MXRA8: variants seen among roughly 807,000 people sequenced by gnomAD.
MXRA8 encodes matrix remodeling associated 8.
Under a neutral mutation model 51.4 loss-of-function variants are expected in MXRA8, and 44 were observed. The observed-to-expected ratio is 0.86, with a 90% confidence interval of 0.67 to 1.10. The LOEUF (loss-of-function observed/expected upper bound fraction) is 1.10. Ranked by LOEUF, MXRA8 falls within the 50% of genes least tolerant of loss-of-function variation. MXRA8 has a pLI of 0.00. For missense variants in MXRA8, 765 were observed against 638.9 expected, an observed-to-expected ratio of 1.20 and a Z score of -2.13; for synonymous variants, 369 against 293.5, an observed-to-expected ratio of 1.26 and a Z score of -2.63.
upstream of MXRA8, chr1:1,359,657 C>T: frequency 2.4e-6 from 2 of 831,296 alleles, no homozygotes; most frequent in Non-Finnish European, 2.9e-6. Context: ...GGAGGGGAAC[C>T]TGCGGCTGCT....
chr1:1,353,453 G>A lies in MXRA8; in HGVS notation c.*151C>T. ...CACCAAGCCCCTGGGAGAGGGGTGT[G>A]GAGGCGGCCTCTGCATACGCCCAGG... On this transcript the variant is annotated 3_prime_UTR_variant, in exon 10 of 10. Transcript: ENST00000309212. 2 of 1,504,506 alleles carry A rather than the reference G, an allele frequency of 1.3e-6. No homozygotes were observed. Among genetic ancestry groups the A allele is most frequent in the East Asian group, 2.5e-5 (1 of 40,338 alleles). 93.2% of individuals were successfully genotyped at this position (1,504,506 alleles called of 1,614,324 possible).
chr1:1,362,432 C>G (rs1281403486), upstream of MXRA8, among the ~76,000 whole-genome samples: 1 of 151,966 alleles, frequency 6.6e-6, no homozygotes, highest in Non-Finnish European at 1.5e-5. Context: ...CACATCGCCC[C>G]GGAATCATGA....
rs1285867453 is a variant in MXRA8 at position 1,355,740 on chromosome 1, G to A, written c.86C>T (p.Pro29Leu). Reference protein sequence around the residue: ...AVLLHSGSSVPAAAGSSVVSE... With the variant: ...AVLLHSGSSVLAAAGSSVVSE... ...CACCACGGAGCTGCCAGCAGCGGCG[G>A]GTACCGAGGACCCTGGTGGGGGAGG... The change falls in exon 3 of 10, where the codon CCC (proline) becomes CTC (leucine). Residue 29 changes from proline to leucine, a missense_variant. By Grantham distance (98) the Pro-to-Leu change is moderately conservative. Coordinates refer to ENST00000309212, the MANE Select transcript of MXRA8 (RefSeq NM_032348.4). 1.5e-6 allele frequency: 2 copies of A among 1,309,318 alleles called. No homozygotes were observed. The highest frequency in any genetic ancestry group is 1.9e-6 in the Non-Finnish European group (2 of 1,034,428). The allele number at this position is 1,309,318 out of a possible 1,614,324, so 81.1% of individuals were successfully genotyped here. A position where few individuals can be genotyped will look rare whatever the true frequency, so the allele number is the denominator to read the frequency against.
Position 1,355,336 on chromosome 1 carries a change from T to C in MXRA8, c.386A>G (p.Glu129Gly). ...GCAGGTGTACAGCCCCGCGTCCGTCTCCTCCACCGCTGCGCACCCAGGAGG... is the reference window on the plus strand; with the variant it reads ...GCAGGTGTACAGCCCCGCGTCCGTCCCCTCCACCGCTGCGCACCCAGGAGG... ...NFSLLIRAVEETDAGLYTCNL... is the reference protein window; with the variant it reads ...NFSLLIRAVEGTDAGLYTCNL... The change falls in exon 4 of 10, where the codon GAG becomes GGG. Residue 129 changes from glutamate (E) to glycine (G), a missense_variant. Physicochemically the swap from Glu to Gly is moderately conservative, Grantham distance 98 (BLOSUM62 -2). Coordinates refer to ENST00000309212, the MANE Select transcript of MXRA8 (RefSeq NM_032348.4). 6.3e-7 allele frequency: 1 copy of C among 1,576,136 alleles called. No homozygotes were observed.
At chr1:1,357,338 C>T (rs372623514) in intron 1 of MXRA8, among the ~76,000 whole-genome samples, 52 of 152,292 alleles carry the variant, frequency 3.4e-4, no homozygotes, top group African/African-American at 1.1e-3. Flanking sequence ...AATTCACATC[C>T]CCCGTCCTCG....
upstream of MXRA8, among the ~76,000 whole-genome samples, chr1:1,362,148 C>A (rs1413178288): frequency 6.6e-6 from 1 of 152,162 alleles, no homozygotes; most frequent in Admixed American, 6.5e-5. Context: ...CCTGCAGCCC[C>A]GAGGAGGCAG....
chr1:1,358,538 G>C lies in MXRA8; in HGVS notation c.-34C>G, dbSNP rs369258986. 1 of 1,605,292 alleles carries C rather than the reference G, an allele frequency of 6.2e-7. No individual in the cohort carries two copies. Among genetic ancestry groups the C allele is most frequent in the Non-Finnish European group, 8.5e-7 (1 of 1,175,882 alleles). On this transcript the variant is annotated 5_prime_UTR_variant, in exon 1 of 10. Coordinates refer to ENST00000309212, the MANE Select transcript of MXRA8 (RefSeq NM_032348.4). ...CCCAGCCCCAGGCTTTGTCCCACTCGGCTCTAAGTCTCTCTCCAGAAAAAC... is the reference window on the plus strand; with the variant it reads ...CCCAGCCCCAGGCTTTGTCCCACTCCGCTCTAAGTCTCTCTCCAGAAAAAC...
chr1:1,353,131 G>C lies in MXRA8; in HGVS notation c.*473C>G. The C allele has an allele frequency of 1.3e-6, 1 of 772,038 alleles. No homozygotes were observed. Among genetic ancestry groups the C allele is most frequent in the Non-Finnish European group, 2.2e-6 (1 of 452,920 alleles). 47.8% of individuals were successfully genotyped at this position (772,038 alleles called of 1,614,324 possible). A position where few individuals can be genotyped will look rare whatever the true frequency, so the allele number is the denominator to read the frequency against. On this transcript the variant is annotated 3_prime_UTR_variant, in exon 10 of 10. Transcript: ENST00000309212. ...CCCCAGGAGGAGTGGGACTCCTGCC[G>C]AGGCTGACCCCAACTTCAAGGCTGC... is the stretch of plus-strand genomic sequence containing the variant.
chr1:1,355,737 G>C lies in MXRA8; in HGVS notation c.89C>G (p.Ala30Gly), dbSNP rs1052025986. 15 of 1,313,078 alleles carry C rather than the reference G, an allele frequency of 1.1e-5. No individual in the cohort carries two copies. In the African/African-American group the frequency reaches 2.2e-4, roughly 19 times the overall value. 81.3% of individuals were successfully genotyped at this position (1,313,078 alleles called of 1,614,324 possible). ...GGACACCACGGAGCTGCCAGCAGCG[G>C]CGGGTACCGAGGACCCTGGTGGGGG... ...VLLHSGSSVP[A>G]AAGSSVVSES... The change falls in exon 3 of 10, where the codon GCC becomes GGC. Residue 30 changes from alanine (A) to glycine (G), a missense_variant. Physicochemically the swap from Ala to Gly is moderately conservative, Grantham distance 60. Transcript: ENST00000309212.
At chr1:1,363,468 C>T (rs1325300417), upstream of MXRA8, among the ~76,000 whole-genome samples, 17 of 144,286 alleles carry the variant, frequency 1.2e-4, no homozygotes, top group Non-Finnish European at 2.4e-4. Context: ...GAGTTTTGTT[C>T]TTTTGCTCAG....
At position 1,354,068 on chromosome 1, in the gene MXRA8, C is replaced by T. The variant is rs1222181905; in HGVS notation, c.1184G>A (p.Gly395Glu). The stretch of plus-strand genomic sequence containing the variant: ...CTCACTCCTGTAAAGCATCTGGTCC[C>T]CTGCAGCCACAGCGAACTCCGCCAA... ...VNLAEFAVAA[G>E]DQMLYRSEDI... Residue 395 changes from glycine to glutamate, a missense_variant, in exon 8 of 10, where the codon GGG becomes GAG. Gly to Glu is a moderately conservative substitution (Grantham distance 98). Transcript: ENST00000309212. 1.2e-6 allele frequency: 2 copies of T among 1,612,858 alleles called. No homozygotes were observed. The highest frequency in any genetic ancestry group is 2.7e-5 in the African/African-American group (2 of 74,936).
intron 1 of MXRA8, 110 bp from the exon 2 acceptor site, chr1:1,356,814 C>T: frequency 1.0e-6 from 1 of 980,222 alleles, no homozygotes; most frequent in East Asian, 3.2e-5. Context: ...GATGCTGTGA[C>T]ACCCACTTCA....
At chr1:1,358,801 C>T (rs1306085378), upstream of MXRA8, 4 of 1,171,514 alleles carry the variant, frequency 3.4e-6, no homozygotes, top group East Asian at 1.6e-4. Flanking sequence ...ACATGGGCCC[C>T]TGATACCACG....
In MXRA8 at chr1:1,358,320, C is replaced by T. The variant is rs1008364975; in HGVS notation, c.49+136G>A. The T allele has an allele frequency of 3.9e-6, 4 of 1,014,342 alleles. No individual in the cohort carries two copies. In the African/African-American group the frequency reaches 6.6e-5, roughly 17 times the overall value. 62.8% of individuals were successfully genotyped at this position (1,014,342 alleles called of 1,614,324 possible). On this transcript the variant is annotated intron_variant, in intron 1 of 9. Coordinates refer to ENST00000309212, the MANE Select transcript of MXRA8 (RefSeq NM_032348.4). ...TCTGGCAAGCGGCTCTCCCGAGCGC[C>T]CCCAGACCCGTCCTCTTCCCTGGTG...
In MXRA8 at chr1:1,355,252, G is replaced by A; in HGVS notation, c.470C>T (p.Thr157Ile). Residue 157 changes from threonine (T) to isoleucine (I), a missense_variant, in exon 4 of 10, where the codon ACC (threonine) becomes ATC (isoleucine). Transcript: ENST00000309212. ...GGGGGGGAAGCACTCACGGCCGTCG[G>A]TGACCTCCAGGCGGACGGCCAGGCT... is the stretch of plus-strand genomic sequence containing the variant. ...YESLAVRLEV[T>I]DGPPATPAYW... The A allele has an allele frequency of 1.3e-6, 2 of 1,558,624 alleles. No individual in the cohort carries two copies. The highest frequency in any genetic ancestry group is 2.3e-5 in the South Asian group (2 of 85,528).
At position 1,355,340 on chromosome 1, in the gene MXRA8, C is replaced by G. The variant is rs374954664; in HGVS notation, c.382G>C (p.Glu128Gln). 8.3e-6 allele frequency: 13 copies of G among 1,574,710 alleles called. No homozygotes were observed. In the African/African-American group the frequency reaches 1.7e-4, roughly 20 times the overall value. ...GNFSLLIRAV[E>Q]ETDAGLYTCN... is the part of the protein sequence containing the mutation. ...GTGTACAGCCCCGCGTCCGTCTCCTCCACCGCTGCGCACCCAGGAGGAAGC... is the reference window on the plus strand; with the variant it reads ...GTGTACAGCCCCGCGTCCGTCTCCTGCACCGCTGCGCACCCAGGAGGAAGC... Residue 128 changes from glutamate (E) to glutamine (Q), a missense_variant, in exon 4 of 10, where the codon GAG (glutamate) becomes CAG (glutamine). Physicochemically the swap from Glu to Gln is conservative, Grantham distance 29. Transcript: ENST00000309212.
At chr1:1,359,734 G>A (rs113773934), upstream of MXRA8, among the ~76,000 whole-genome samples, 12 of 152,276 alleles carry the variant, frequency 7.9e-5, no homozygotes, top group African/African-American at 2.6e-4. Context: ...ACCCCAGCCC[G>A]GTCAGACCCA....
chr1:1,356,878 C>T (rs1267103131), intron 1 of MXRA8, among the ~76,000 whole-genome samples, 174 bp from the exon 2 acceptor site: 3 of 152,150 alleles, frequency 2.0e-5, no homozygotes, highest in African/African-American at 7.2e-5. Flanking sequence ...TGCCACCGTG[C>T]TGGGCTTTGG....
intron 2 of MXRA8, among the ~76,000 whole-genome samples, chr1:1,356,361 G>A (rs1359789893): frequency 2.1e-5 from 3 of 140,082 alleles, no homozygotes; most frequent in Non-Finnish European, 4.7e-5. Context: ...CTCAGTAGGG[G>A]AGGGGCAGAC....
Sources: gnomAD v4.1 joint callset for allele counts (sites outside exome capture counted in the v4.1 genomes callset) on GRCh38, gnomAD v4.1.1 for gene constraint, MANE v1.5 for transcripts, NCBI Gene and HGNC (gene_info 2026-07-23, HGNC 2026-07-21) for gene names.